Variants in CLTB observed in about 807,000 individuals in gnomAD.
CLTB encodes the protein clathrin, light chain (Lcb).
A neutral mutation model predicts 30.5 loss-of-function variants in CLTB; 10 were observed. That is an observed-to-expected ratio of 0.33 (90% CI 0.20 to 0.56). The LOEUF (loss-of-function observed/expected upper bound fraction) is 0.56, where lower values mean the gene tolerates loss of function less well. Among genes scored for constraint, CLTB ranks in the 20% least tolerant of loss-of-function variants. The pLI, the probability that CLTB is intolerant of heterozygous loss-of-function variation, is 0.91. For synonymous variants in CLTB, 102 were observed against 120.3 expected (o/e 0.85, Z 1.00); for missense variants, 261 against 308.3 (o/e 0.85, Z 1.15).
chr5:176,394,841 C>T (rs1756440660), intron 5 of CLTB, among the ~76,000 whole-genome samples: 1 of 152,018 alleles, frequency 6.6e-6, no homozygotes, highest in Non-Finnish European at 1.5e-5. Flanking sequence ...TTGAGAAGCC[C>T]TGGTCTATAC....
intron 2 of CLTB, chr5:176,406,065 G>T: frequency 1.3e-6 from 1 of 760,642 alleles, no homozygotes; most frequent in Non-Finnish European, 1.6e-6. Flanking sequence ...TTATTTCCGG[G>T]CTGCTCAGAA....
intron 2 of CLTB, chr5:176,406,550 A>C (rs1350722405): frequency 1.6e-6 from 2 of 1,277,780 alleles, no homozygotes; most frequent in Admixed American, 2.5e-5. Flanking sequence ...AGGGGAAAGG[A>C]GAGAGGATCT....
At chr5:176,397,245 C>T (rs563364125) in intron 4 of CLTB, among the ~76,000 whole-genome samples, 1 of 152,100 alleles carries the variant, frequency 6.6e-6, no homozygotes, top group African/African-American at 2.4e-5. Flanking sequence ...GACCTTGTAC[C>T]GTGAAGGACA....
chr5:176,395,788 T>C (rs1430445812), intron 5 of CLTB, among the ~76,000 whole-genome samples: 2 of 152,096 alleles, frequency 1.3e-5, no homozygotes, highest in South Asian at 2.1e-4. Flanking sequence ...GGAGCAGCTC[T>C]TGTCCTTTAC....
intron 5 of CLTB, among the ~76,000 whole-genome samples, chr5:176,395,799 A>G (rs1046669765): frequency 1.6e-4 from 25 of 152,132 alleles, no homozygotes; most frequent in Non-Finnish European, 4.4e-5. Context: ...TGTCCTTTAC[A>G]TGCCTCCAGC....
intron 1 of CLTB, among the ~76,000 whole-genome samples, chr5:176,412,657 C>G (rs762783675): frequency 2.0e-5 from 3 of 152,120 alleles, no homozygotes; most frequent in Non-Finnish European, 4.4e-5. Context: ...GGTACTTAAT[C>G]CCATGGAAAT....
At chr5:176,408,019 C>T (rs1489298182) in intron 2 of CLTB, among the ~76,000 whole-genome samples, 1 of 152,110 alleles carries the variant, frequency 6.6e-6, no homozygotes, top group African/African-American at 2.4e-5. Context: ...CTCTTTGGCC[C>T]AGTCTGAGTG....
chr5:176,397,972 G>T lies in CLTB; in HGVS notation c.310C>A (p.Arg104Ser). 6.2e-7 allele frequency: 1 copy of T among 1,614,040 alleles called. No individual in the cohort carries two copies. Among genetic ancestry groups the T allele is most frequent in the Non-Finnish European group, 8.5e-7 (1 of 1,180,040 alleles). The change falls in exon 3 of 6, where the codon CGC (arginine) becomes AGC (serine). Residue 104 changes from arginine (R) to serine (S), a missense_variant. Around this residue, in one of 3 missense-constraint regions of CLTB, gnomAD observed 123 missense variants for 157.0 expected, o/e 0.78. Transcript: ENST00000310418. ...DRLTQEPESI[R>S]KWREEQRKRL... ...TTCCTCTGCTCCTCTCGCCACTTGC[G>T]GATGCTCTCAGGCTCCTGGGTCAGC... is the stretch of plus-strand genomic sequence containing the variant.
At chr5:176,412,932 G>A (rs940203722) in intron 1 of CLTB, among the ~76,000 whole-genome samples, 1 of 152,022 alleles carries the variant, frequency 6.6e-6, no homozygotes, top group Non-Finnish European at 1.5e-5. Context: ...TGTACATTTG[G>A]CCTTCTCGAG....
intron 2 of CLTB, 72 bp from the exon 3 acceptor site, chr5:176,398,119 G>C: frequency 7.2e-7 from 1 of 1,381,804 alleles, no homozygotes; most frequent in South Asian, 1.2e-5. Flanking sequence ...CCCTGCTGGG[G>C]ACCCACTCAT....
In CLTB at chr5:176,398,069, G is replaced by A. The variant is rs1756637488; in HGVS notation, c.235-22C>T. The A allele has an allele frequency of 3.1e-6, 5 of 1,605,854 alleles. No homozygotes were observed. The Admixed American group carries it at 6.7e-5, about 21-fold the overall frequency. On this transcript the variant is annotated intron_variant, in intron 2 of 5. Coordinates refer to ENST00000310418, the MANE Select transcript of CLTB (RefSeq NM_007097.5). ...CCTCCTAGAACACAAACACGCAGCA[G>A]TCTATCCAGCCAGCACACCTGCCCC...
intron 1 of CLTB, among the ~76,000 whole-genome samples, chr5:176,412,915 G>A (rs1188925498): frequency 1.3e-5 from 2 of 152,086 alleles, no homozygotes; most frequent in African/African-American, 4.8e-5. Flanking sequence ...TCCCTGTGAT[G>A]CCGGTCTGTA....
intron 1 of CLTB, among the ~76,000 whole-genome samples, chr5:176,411,033 CT>C (rs1315255627): frequency 6.6e-6 from 1 of 152,232 alleles, no homozygotes; most frequent in Non-Finnish European, 1.5e-5. Context: ...CACCTTGCAC[CT>C]GCACAACTGC....
rs190342442 is a variant in CLTB, at chr5:176,395,991, C to T, written c.518+488G>A. Among the ~76,000 whole-genome samples, 654 of 152,170 alleles carry T rather than the reference C, an allele frequency of 4.3e-3. 2 individuals are homozygous for T. The highest frequency in any genetic ancestry group is 0.01 in the Middle Eastern group (3 of 294). On this transcript the variant is annotated intron_variant, in intron 5 of 5. Transcript: ENST00000310418. ...CTCTACTAAAAATACAAAAGTTAGCCGGGCACGGTTGCATGTGCCTATAAT... is the reference window on the plus strand; with the variant it reads ...CTCTACTAAAAATACAAAAGTTAGCTGGGCACGGTTGCATGTGCCTATAAT...
In CLTB at chr5:176,404,486, A is replaced by T. The variant is rs555951487; in HGVS notation, c.234+5771T>A. 6.6e-5 allele frequency among the ~76,000 whole-genome samples: 10 copies of T among 152,360 alleles called. No homozygotes were observed. In the South Asian group the frequency reaches 1.0e-3, roughly 16 times the overall value. ...CAGAGTAGTTAAGTGACTAGCCCAC[A>T]GCCAGCCAGCTGGGAAAAAGCAGAA... On this transcript the variant is annotated intron_variant, in intron 2 of 5. Transcript: ENST00000310418.
chr5:176,396,328 G>T, intron 5 of CLTB, 151 bp downstream of exon 5: 6 of 728,954 alleles, frequency 8.2e-6, no homozygotes, highest in Admixed American at 2.0e-5. Flanking sequence ...GGTGGTTGCT[G>T]CCTGCACCCA....
In CLTB at chr5:176,410,711, T is replaced by C. The variant is rs558254717; in HGVS notation, c.188-408A>G. On this transcript the variant is annotated intron_variant, in intron 1 of 5. Transcript: ENST00000310418. ...GCCTGGTGAGTAGGCTGAGCTGCTG[T>C]AAGCTCAGGGCAGGGGCTACACTGG... is the stretch of plus-strand genomic sequence containing the variant. 9.9e-5 allele frequency among the ~76,000 whole-genome samples: 15 copies of C among 151,632 alleles called. No individual in the cohort carries two copies. In the South Asian group the frequency reaches 3.2e-3, roughly 32 times the overall value.
chr5:176,407,776 C>T (rs1015462285), intron 2 of CLTB, among the ~76,000 whole-genome samples: 6 of 152,196 alleles, frequency 3.9e-5, no homozygotes, highest in Admixed American at 6.5e-5. Context: ...TTGACTCCCT[C>T]GGGCCCAACT....
intron 2 of CLTB, among the ~76,000 whole-genome samples, chr5:176,401,416 AC>A (rs1406100087): frequency 6.6e-6 from 1 of 152,246 alleles, no homozygotes; most frequent in African/African-American, 2.4e-5. Context: ...GCAAACATGT[AC>A]TGAGCCCTTT....
Sources: allele counts gnomAD v4.1 joint callset (sites outside exome capture counted in the v4.1 genomes callset), GRCh38; gene constraint gnomAD v4.1.1; regional missense constraint gnomAD v4.1.1; transcripts MANE v1.5; gene names NCBI Gene and HGNC (gene_info 2026-07-23, HGNC 2026-07-21).